Variants in SPOCK1 observed in about 807,000 individuals in gnomAD.
SPOCK1 encodes SPARC (osteonectin), cwcv and kazal like domains proteoglycan 1.
In SPOCK1, 23 loss-of-function variants were observed where a neutral mutation model predicts 55.3. That is an observed-to-expected ratio of 0.42 (90% CI 0.30 to 0.59). The LOEUF is 0.59. Among genes scored for constraint, SPOCK1 ranks in the 20% least tolerant of loss-of-function variants. The pLI is 0.22. For synonymous variants in SPOCK1, 226 were observed against 221.0 expected, an observed-to-expected ratio of 1.02 and a Z score of -0.20; for missense variants, 499 against 552.5, an observed-to-expected ratio of 0.90 and a Z score of 0.97.
intron 2 of SPOCK1, among the ~76,000 whole-genome samples, chr5:137,381,440 G>C (rs1271763046): frequency 6.6e-6 from 1 of 152,192 alleles, no homozygotes; most frequent in Non-Finnish European, 1.5e-5. Context: ...TCCCCTAGTA[G>C]AGGTTCTCCA....
chr5:137,066,565 T>C (rs1296932782), intron 6 of SPOCK1, among the ~76,000 whole-genome samples: 1 of 152,236 alleles, frequency 6.6e-6, no homozygotes, highest in Non-Finnish European at 1.5e-5. Flanking sequence ...CTGGGCTACG[T>C]AGTTGCTTAA....
At chr5:137,319,762 G>A (rs1409637230) in intron 2 of SPOCK1, among the ~76,000 whole-genome samples, 2 of 151,774 alleles carry the variant, frequency 1.3e-5, no homozygotes, top group East Asian at 3.9e-4. Context: ...TGGCTAACAA[G>A]GTGAAACCCC....
chr5:137,462,829 A>G (rs1461976318), intron 2 of SPOCK1, among the ~76,000 whole-genome samples: 1 of 152,236 alleles, frequency 6.6e-6, no homozygotes, highest in South Asian at 2.1e-4. Context: ...ATAGTATCTC[A>G]GAGAGATGAA....
intron 4 of SPOCK1, among the ~76,000 whole-genome samples, chr5:137,125,107 AC>A (rs1753761665): frequency 6.6e-6 from 1 of 152,160 alleles, no homozygotes; most frequent in African/African-American, 2.4e-5. Flanking sequence ...TGTAAGCATC[AC>A]TTTGCAACTC....
chr5:137,234,947 G>A (rs1312174416), intron 3 of SPOCK1, among the ~76,000 whole-genome samples: 1 of 152,166 alleles, frequency 6.6e-6, no homozygotes, highest in African/African-American at 2.4e-5. Context: ...AAGGGTTTTT[G>A]CCTAAATATT....
intron 3 of SPOCK1, among the ~76,000 whole-genome samples, chr5:137,178,579 G>T (rs1213312143): frequency 6.6e-6 from 1 of 152,212 alleles, no homozygotes; most frequent in Non-Finnish European, 1.5e-5. Flanking sequence ...GAACTCAAAT[G>T]CTGAAGTTTC....
intron 3 of SPOCK1, among the ~76,000 whole-genome samples, chr5:137,236,299 T>G (rs911454623): frequency 7.2e-5 from 11 of 152,240 alleles, no homozygotes; most frequent in African/African-American, 9.6e-5. Context: ...CCTTGCTGGC[T>G]GTCTGCCGGC....
intron 5 of SPOCK1, 45 bp downstream of exon 5, chr5:137,112,390 C>T (rs374560720): frequency 1.6e-5 from 25 of 1,601,124 alleles, no homozygotes; most frequent in East Asian, 1.3e-4. Context: ...TAGAACAAGC[C>T]GACATGAAGT....
At chr5:137,389,504 C>T (rs1751670510) in intron 2 of SPOCK1, among the ~76,000 whole-genome samples, 1 of 152,254 alleles carries the variant, frequency 6.6e-6, no homozygotes, top group South Asian at 2.1e-4. Flanking sequence ...GGTCCCAACA[C>T]TTGATGAAGT....
At chr5:137,015,810 C>A (rs1751439138) in intron 6 of SPOCK1, among the ~76,000 whole-genome samples, 2 of 152,160 alleles carry the variant, frequency 1.3e-5, no homozygotes, top group Admixed American at 1.3e-4. Flanking sequence ...GGAGCAGATC[C>A]CAGGAAGTGG....
chr5:137,206,183 G>A (rs1205505714), intron 3 of SPOCK1, among the ~76,000 whole-genome samples: 1 of 152,230 alleles, frequency 6.6e-6, no homozygotes, highest in African/African-American at 2.4e-5. Flanking sequence ...CACTGGGCTG[G>A]ATTCCAAGAA....
rs541504540 is a variant in SPOCK1 at position 137,294,131 on chromosome 5, A to G, written c.187-27076T>C. ...AGGAATTGAGCATTTAATCTTATTTAATTTCAATGAATTTAAATTTAAATG... is the reference window on the plus strand; with the variant it reads ...AGGAATTGAGCATTTAATCTTATTTGATTTCAATGAATTTAAATTTAAATG... On this transcript the variant is annotated intron_variant, in intron 2 of 10. Transcript: ENST00000394945. Among the ~76,000 whole-genome samples the G allele has an allele frequency of 2.2e-4, 33 of 152,300 alleles. 1 individual carries two copies. The East Asian group carries it at 6.0e-3, about 28-fold the overall frequency.
intron 2 of SPOCK1, among the ~76,000 whole-genome samples, chr5:137,401,903 T>A (rs1238693815): frequency 6.6e-6 from 1 of 152,148 alleles, no homozygotes; most frequent in Non-Finnish European, 1.5e-5. Context: ...GGTCCCTGCA[T>A]CTCTTTCTTT....
intron 2 of SPOCK1, among the ~76,000 whole-genome samples, chr5:137,467,144 G>T (rs1013378929): frequency 9.9e-5 from 15 of 152,242 alleles, no homozygotes; most frequent in Admixed American, 7.2e-4. Flanking sequence ...CTCCATCAGG[G>T]CAGGCAAAGA....
Position 137,279,234 on chromosome 5 carries a change from G to A in SPOCK1, c.187-12179C>T, listed in dbSNP as rs542670341. Among the ~76,000 whole-genome samples the A allele has an allele frequency of 2.4e-4, 36 of 152,324 alleles. No homozygotes were observed. The South Asian group carries it at 4.8e-3, about 20-fold the overall frequency. ...CCCAACTGAAACCAAGGACACCAGCGAAGACTAACAACTACCCTTACCCTC... is the reference window on the plus strand; with the variant it reads ...CCCAACTGAAACCAAGGACACCAGCAAAGACTAACAACTACCCTTACCCTC... On this transcript the variant is annotated intron_variant, in intron 2 of 10. Transcript: ENST00000394945.
At chr5:137,063,321 A>T (rs921234201) in intron 6 of SPOCK1, among the ~76,000 whole-genome samples, 2 of 152,050 alleles carry the variant, frequency 1.3e-5, no homozygotes, top group Middle Eastern at 3.4e-3. Context: ...AGGTTCCACC[A>T]TCTCTTCAGG....
intron 3 of SPOCK1, among the ~76,000 whole-genome samples, chr5:137,156,823 G>T (rs1754426492): frequency 6.6e-6 from 1 of 152,130 alleles, no homozygotes; most frequent in Non-Finnish European, 1.5e-5. Context: ...GGATGAGCAA[G>T]AATTCATACA....
chr5:137,042,161 G>A, intron 6 of SPOCK1, among the ~76,000 whole-genome samples: 1 of 152,100 alleles, frequency 6.6e-6, no homozygotes. Context: ...AGACCTAGAT[G>A]AATCTTAAAT....
At position 137,421,774 on chromosome 5, in the gene SPOCK1, A is replaced by G. The variant is rs574945666; in HGVS notation, c.186+76599T>C. On this transcript the variant is annotated intron_variant, in intron 2 of 10. Coordinates refer to ENST00000394945, the MANE Select transcript of SPOCK1 (RefSeq NM_004598.4). ...TCAATTTGCCAGTCTGTGTCTTTTCATTGGAGCATTTAGCCCATTTACATT... is the reference window on the plus strand; with the variant it reads ...TCAATTTGCCAGTCTGTGTCTTTTCGTTGGAGCATTTAGCCCATTTACATT... 2.0e-5 allele frequency among the ~76,000 whole-genome samples: 3 copies of G among 152,282 alleles called. No homozygotes were observed. The South Asian group carries it at 6.2e-4, about 32-fold the overall frequency.
Sources: allele counts gnomAD v4.1 joint callset (sites outside exome capture counted in the v4.1 genomes callset), GRCh38; gene constraint gnomAD v4.1.1; transcripts MANE v1.5; gene names NCBI Gene and HGNC (gene_info 2026-07-23, HGNC 2026-07-21).